RIT2: variants seen among roughly 807,000 people sequenced by gnomAD.
The protein encoded by RIT2 is Ras like without CAAX 2.
In RIT2, 24 loss-of-function variants were observed where a neutral mutation model predicts 23.7. The observed-to-expected ratio is 1.01, with a 90% CI of 0.73 to 1.43. RIT2 has a LOEUF of 1.43. Among genes scored for constraint, RIT2 ranks in the 40% most tolerant of loss-of-function variants. The pLI, the probability that RIT2 is intolerant of heterozygous loss-of-function variation, is 0.00. For missense variants in RIT2, 236 were observed against 266.9 expected, an observed-to-expected ratio of 0.88 and a Z score of 0.81; for synonymous variants, 107 against 91.1, an observed-to-expected ratio of 1.17 and a Z score of -0.99.
chr18:42,810,972 T>G (rs1568002110), intron 4 of RIT2, among the ~76,000 whole-genome samples: 1 of 152,074 alleles, frequency 6.6e-6, no homozygotes, highest in Non-Finnish European at 1.5e-5. Context: ...GTATAATTTT[T>G]CCCTAGCTTT....
intron 2 of RIT2, among the ~76,000 whole-genome samples, chr18:43,024,936 G>T (rs7506043): frequency 6.6e-6 from 1 of 151,774 alleles, no homozygotes; most frequent in Non-Finnish European, 1.5e-5. Context: ...GGCCGGGTGC[G>T]GTGGCTCATA....
At chr18:42,957,445 C>A (rs1350026786) in intron 3 of RIT2, among the ~76,000 whole-genome samples, 1 of 152,156 alleles carries the variant, frequency 6.6e-6, no homozygotes, top group Non-Finnish European at 1.5e-5. Context: ...AATTACTCAA[C>A]TTGGTCTGCA....
chr18:42,999,172 T>C (rs1279932120), intron 2 of RIT2, among the ~76,000 whole-genome samples: 1 of 152,118 alleles, frequency 6.6e-6, no homozygotes, highest in Non-Finnish European at 1.5e-5. Context: ...CAGTTTAAAC[T>C]TAAATATCTT....
chr18:42,991,963 G>T (rs1232723055), intron 2 of RIT2, among the ~76,000 whole-genome samples: 1 of 151,928 alleles, frequency 6.6e-6, no homozygotes, highest in Non-Finnish European at 1.5e-5. Context: ...CATGAAATTT[G>T]GTAAGAACCC....
intron 1 of RIT2, among the ~76,000 whole-genome samples, chr18:43,087,870 CAAT>C (rs2144356186): frequency 6.6e-6 from 1 of 152,180 alleles, no homozygotes; most frequent in South Asian, 2.1e-4. Context: ...ACATAAGTGA[CAAT>C]GATGTGAGCG....
chr18:42,753,318 C>G lies in RIT2; in HGVS notation c.427-9598G>C, dbSNP rs551271812. 2.6e-4 allele frequency among the ~76,000 whole-genome samples: 39 copies of G among 152,176 alleles called. No individual in the cohort carries two copies. In the South Asian group the frequency reaches 7.5e-3, roughly 29 times the overall value. On this transcript the variant is annotated intron_variant, in intron 4 of 4. Coordinates refer to ENST00000326695, the MANE Select transcript of RIT2 (RefSeq NM_002930.4). ...TTAAATTAAATTATTGTAAAGGTAG[C>G]CAGGGTAATGGTGGTTGCCTAATAA...
At chr18:42,798,512 TTAAAA>T (rs1293673813) in intron 4 of RIT2, among the ~76,000 whole-genome samples, 3 of 152,232 alleles carry the variant, frequency 2.0e-5, no homozygotes, top group African/African-American at 7.2e-5. Context: ...GTCTATTGAG[TTAAAA>T]TAAAGTATTA....
intron 4 of RIT2, among the ~76,000 whole-genome samples, chr18:42,880,804 CTTTT>C: frequency 8.7e-6 from 1 of 115,566 alleles, no homozygotes; most frequent in African/African-American, 3.4e-5. Context: ...CTTCCTACCT[CTTTT>C]TTTTTTTTTT....
chr18:42,992,497 T>C (rs1910876109), intron 2 of RIT2, among the ~76,000 whole-genome samples: 1 of 152,080 alleles, frequency 6.6e-6, no homozygotes, highest in Non-Finnish European at 1.5e-5. Flanking sequence ...TTGCTGAGTC[T>C]TTCTAACCTT....
chr18:42,960,562 AC>A (rs1458699185), intron 3 of RIT2, among the ~76,000 whole-genome samples: 7 of 152,018 alleles, frequency 4.6e-5, no homozygotes, highest in Non-Finnish European at 1.5e-5. Context: ...TGATCCACCC[AC>A]CTCGGCCTCC....
chr18:42,809,814 TTA>T (rs1257482185), intron 4 of RIT2, among the ~76,000 whole-genome samples: 1 of 144,730 alleles, frequency 6.9e-6, no homozygotes, highest in Non-Finnish European at 1.5e-5. Flanking sequence ...TCTTTATAAC[TTA>T]TATATATAAT....
chr18:42,985,081 T>G (rs901087279), intron 2 of RIT2, among the ~76,000 whole-genome samples: 4 of 152,246 alleles, frequency 2.6e-5, no homozygotes, highest in Admixed American at 2.6e-4. Flanking sequence ...TGTTGAGTTT[T>G]CTGGCAACAA....
intron 4 of RIT2, among the ~76,000 whole-genome samples, chr18:42,837,154 T>TG (rs71175926): frequency 3.7e-5 from 1 of 27,334 alleles, no homozygotes. Context: ...TTTCTTTTTC[T>TG]TTTTTTTTTT....
chr18:43,003,691 AC>A (rs1275327355), intron 2 of RIT2, among the ~76,000 whole-genome samples: 1 of 151,134 alleles, frequency 6.6e-6, no homozygotes, highest in Non-Finnish European at 1.5e-5. Flanking sequence ...TGATAGTAAA[AC>A]TTTTGTCTTT....
chr18:43,011,684 T>A (rs1259784449), intron 2 of RIT2, among the ~76,000 whole-genome samples: 13 of 151,802 alleles, frequency 8.6e-5, no homozygotes, highest in Admixed American at 8.6e-4. Flanking sequence ...TGAAACTTTG[T>A]CTCTGTTCAC....
chr18:42,743,528 C>T lies in RIT2; in HGVS notation c.619G>A (p.Gly207Ser), dbSNP rs190327842. 5.6e-6 allele frequency: 9 copies of T among 1,613,852 alleles called. No individual in the cohort carries two copies. The South Asian group carries it at 8.8e-5, about 16-fold the overall frequency. Reference sequence around the variant, plus strand: ...TTTTCTCTCTTCTTCTTCAAAGAACCTTTGAGCTTCTTCCACAGGCTGTCT... The same window carrying T: ...TTTTCTCTCTTCTTCTTCAAAGAACTTTTGAGCTTCTTCCACAGGCTGTCT... Reference protein sequence around the residue: ...RKDSLWKKLKGSLKKKRENMT With the variant: ...RKDSLWKKLKSSLKKKRENMT Residue 207 changes from glycine (G) to serine (S), a missense_variant, in exon 5 of 5, where the codon GGT becomes AGT. Coordinates refer to ENST00000326695, the MANE Select transcript of RIT2 (RefSeq NM_002930.4).
chr18:42,895,325 A>T (rs1908299211), intron 4 of RIT2, among the ~76,000 whole-genome samples: 2 of 152,114 alleles, frequency 1.3e-5, no homozygotes, highest in African/African-American at 4.8e-5. Flanking sequence ...AATGTTTCCT[A>T]TTTTCTGACA....
chr18:43,036,695 C>T (rs973552286), intron 1 of RIT2, among the ~76,000 whole-genome samples: 12 of 152,126 alleles, frequency 7.9e-5, no homozygotes, highest in African/African-American at 2.7e-4. Context: ...TGACCCACCG[C>T]TGAGACAGAA....
At chr18:42,914,972 T>C (rs9962013) in intron 4 of RIT2, among the ~76,000 whole-genome samples, 29,324 of 148,790 alleles carry the variant, frequency 0.2, 3,188 homozygotes, top group African/African-American at 0.29. Context: ...AGCTGGATTA[T>C]GTAATTCCCT....
Sources: allele counts gnomAD v4.1 joint callset (sites outside exome capture counted in the v4.1 genomes callset), GRCh38; gene constraint gnomAD v4.1.1; transcripts MANE v1.5; gene names NCBI Gene and HGNC (gene_info 2026-07-23, HGNC 2026-07-21).